Variants in GULP1 observed in about 807,000 individuals in gnomAD.
GULP1 encodes GULP PTB domain containing engulfment adaptor 1, also known as PTB domain-containing engulfment adapter protein 1.
A neutral mutation model predicts 40.9 loss-of-function variants in GULP1; 19 were observed. That is an observed-to-expected ratio of 0.46 (90% CI 0.32 to 0.68). The LOEUF is 0.68. GULP1 is among the 30% of genes least tolerant of loss of function. GULP1 has a pLI of 0.03. For synonymous variants in GULP1, 119 were observed against 117.6 expected (o/e 1.01, Z -0.08); for missense variants, 312 against 362.2 (o/e 0.86, Z 1.12).
chr2:188,570,697 T>C (rs991125080), intron 9 of GULP1, among the ~76,000 whole-genome samples: 1 of 152,220 alleles, frequency 6.6e-6, no homozygotes, highest in Non-Finnish European at 1.5e-5. Context: ...ATGTATGATA[T>C]CATTATTACA....
At chr2:188,426,681 G>A (rs1035684496) in intron 2 of GULP1, among the ~76,000 whole-genome samples, 4 of 152,154 alleles carry the variant, frequency 2.6e-5, no homozygotes, top group African/African-American at 4.8e-5. Flanking sequence ...ATTAAAGCTT[G>A]TCAGTTGTTC....
intron 7 of GULP1, chr2:188,542,071 AAT>A (rs1485343232): frequency 6.6e-6 from 1 of 151,996 alleles, no homozygotes; most frequent in Non-Finnish European, 1.5e-5. Flanking sequence ...CGCGCCACTG[AAT>A]TCCAGCCTGG....
intron 9 of GULP1, among the ~76,000 whole-genome samples, chr2:188,581,831 A>G (rs1701386115): frequency 6.6e-6 from 1 of 152,204 alleles, no homozygotes; most frequent in South Asian, 2.1e-4. Flanking sequence ...TATTTATTGT[A>G]ATAAGGACAT....
chr2:188,580,883 CTGACATG>C (rs1438906697), intron 9 of GULP1, among the ~76,000 whole-genome samples: 1 of 152,184 alleles, frequency 6.6e-6, no homozygotes, highest in Non-Finnish European at 1.5e-5. Flanking sequence ...TGAAAGATCT[CTGACATG>C]TGATTTGCGG....
chr2:188,319,401 A>G (rs1316299427), intron 1 of GULP1, among the ~76,000 whole-genome samples: 1 of 152,182 alleles, frequency 6.6e-6, no homozygotes, highest in Non-Finnish European at 1.5e-5. Context: ...AGACTTGTAC[A>G]TCTTGATGTT....
chr2:188,413,994 G>A (rs6761785), intron 2 of GULP1, among the ~76,000 whole-genome samples: 27,128 of 151,720 alleles, frequency 0.18, 2,467 homozygotes, highest in East Asian at 0.24. Context: ...CGAGGCTGGC[G>A]GATCACAAGG....
chr2:188,353,263 A>G (rs1427960052), intron 1 of GULP1, among the ~76,000 whole-genome samples: 2 of 152,218 alleles, frequency 1.3e-5, no homozygotes, highest in Non-Finnish European at 2.9e-5. Context: ...TGCTCACTAC[A>G]TGCCAGGCAC....
chr2:188,446,303 T>C (rs371803555), intron 2 of GULP1, among the ~76,000 whole-genome samples: 1 of 152,184 alleles, frequency 6.6e-6, no homozygotes, highest in South Asian at 2.1e-4. Context: ...ACTAGTGTCC[T>C]GGATAATAGC....
At chr2:188,401,171 G>C (rs1028682227) in intron 2 of GULP1, among the ~76,000 whole-genome samples, 1 of 151,758 alleles carries the variant, frequency 6.6e-6, no homozygotes, top group Non-Finnish European at 1.5e-5. Flanking sequence ...AAGTATATAT[G>C]ATTACTATAG....
chr2:188,362,227 G>A (rs1232066629), intron 1 of GULP1, among the ~76,000 whole-genome samples: 1 of 152,012 alleles, frequency 6.6e-6, no homozygotes, highest in African/African-American at 2.4e-5. Context: ...TTCCTTGTGA[G>A]ATAAAATAAG....
At chr2:188,293,658 T>C (rs1416085251) in intron 1 of GULP1, among the ~76,000 whole-genome samples, 1 of 152,070 alleles carries the variant, frequency 6.6e-6, no homozygotes. Context: ...ATTGGGAGAG[T>C]GCAGTCGCTG....
chr2:188,401,917 T>C (rs2052350519), intron 2 of GULP1, among the ~76,000 whole-genome samples: 1 of 152,180 alleles, frequency 6.6e-6, no homozygotes, highest in African/African-American at 2.4e-5. Context: ...ATTTTACTAA[T>C]TTCTGTAAGA....
At chr2:188,549,531 A>G (rs764933348) in intron 7 of GULP1, among the ~76,000 whole-genome samples, 22 of 151,898 alleles carry the variant, frequency 1.4e-4, no homozygotes, top group Non-Finnish European at 3.1e-4. Context: ...TCATTCACAC[A>G]TAGCTGATGG....
chr2:188,296,418 G>T (rs750604894), intron 1 of GULP1, among the ~76,000 whole-genome samples: 9 of 151,952 alleles, frequency 5.9e-5, no homozygotes, highest in Non-Finnish European at 1.0e-4. Flanking sequence ...AATGTTTTCA[G>T]CCACTCTAAT....
intron 1 of GULP1, among the ~76,000 whole-genome samples, chr2:188,318,654 TA>T (rs143177248): frequency 0.15 from 23,018 of 152,142 alleles, 1,896 homozygotes; most frequent in African/African-American, 0.17. Context: ...TACTATAAGT[TA>T]ACTCCCAAGT....
intron 7 of GULP1, among the ~76,000 whole-genome samples, chr2:188,557,447 G>A (rs1001657573): frequency 6.6e-6 from 1 of 152,190 alleles, no homozygotes; most frequent in Non-Finnish European, 1.5e-5. Context: ...AAATCCAGCA[G>A]GGCAGTCATT....
intron 7 of GULP1, among the ~76,000 whole-genome samples, chr2:188,544,868 C>T (rs1420360838): frequency 6.6e-6 from 1 of 151,928 alleles, no homozygotes; most frequent in Non-Finnish European, 1.5e-5. Flanking sequence ...GGACATCAAC[C>T]TATAGATCTA....
At chr2:188,591,086 C>A (rs1041582650) in intron 11 of GULP1, 9 of 151,728 alleles carry the variant, frequency 5.9e-5, no homozygotes, top group Non-Finnish European at 1.3e-4. Context: ...ATAATTAAAG[C>A]AATTAGACAA....
intron 2 of GULP1, among the ~76,000 whole-genome samples, chr2:188,456,627 T>TA (rs1241300316): frequency 6.6e-6 from 1 of 152,168 alleles, no homozygotes; most frequent in Admixed American, 6.5e-5. Flanking sequence ...ATGGATAACC[T>TA]TTGCTAGGAC....
Sources: gnomAD v4.1 joint callset for allele counts (sites outside exome capture counted in the v4.1 genomes callset) on GRCh38, gnomAD v4.1.1 for gene constraint, MANE v1.5 for transcripts, NCBI Gene and HGNC (gene_info 2026-07-23, HGNC 2026-07-21) for gene names.